The following CCDC33 variants were observed in gnomAD, a reference collection of about 807,000 sequenced individuals.
CCDC33 encodes coiled-coil domain-containing protein 33.
A neutral mutation model predicts 91.9 loss-of-function variants in CCDC33; 94 were observed. The observed-to-expected ratio is 1.02, with a 90% CI of 0.87 to 1.21. The LOEUF (loss-of-function observed/expected upper bound fraction) is 1.21. CCDC33 is among the 50% of genes most tolerant of loss of function. The pLI, the probability that CCDC33 is intolerant of heterozygous loss-of-function variation, is 0.00. For synonymous variants in CCDC33, 396 were observed against 374.5 expected (o/e 1.06, Z -0.66); for missense variants, 940 against 935.5 (o/e 1.00, Z -0.06).
At chr15:74,216,459 C>T (rs2074449406), upstream of CCDC33, among the ~76,000 whole-genome samples, 1 of 147,834 alleles carries the variant, frequency 6.8e-6, no homozygotes, top group African/African-American at 2.5e-5. Context: ...CCTGGGGGAT[C>T]TGAAGAAACT....
chr15:74,327,666 C>G (rs1240703462), intron 11 of CCDC33, among the ~76,000 whole-genome samples: 1 of 152,090 alleles, frequency 6.6e-6, no homozygotes, highest in African/African-American at 2.4e-5. Context: ...GAGCTCTGCT[C>G]ATGCCCCAAA....
chr15:74,287,664 A>C (rs1483593637), intron 10 of CCDC33, among the ~76,000 whole-genome samples: 1 of 152,188 alleles, frequency 6.6e-6, no homozygotes, highest in Non-Finnish European at 1.5e-5. Flanking sequence ...TTTACTAAAA[A>C]TACAAAAATT....
At chr15:74,208,353 C>T (rs543535203) in intron 1 of CCDC33, among the ~76,000 whole-genome samples, 26 of 152,282 alleles carry the variant, frequency 1.7e-4, no homozygotes, top group Admixed American at 7.2e-4. Flanking sequence ...AAGAGCCCCA[C>T]GTTCTCCGTT....
At chr15:74,328,714 A>G (rs1397504271) in intron 11 of CCDC33, among the ~76,000 whole-genome samples, 2 of 152,176 alleles carry the variant, frequency 1.3e-5, no homozygotes, top group Non-Finnish European at 2.9e-5. Flanking sequence ...TGCTGCCAGG[A>G]GACCCCTGCT....
chr15:74,333,441 A>G (rs2060485361), intron 16 of CCDC33: 1 of 788,154 alleles, frequency 1.3e-6, no homozygotes, highest in East Asian at 2.7e-5. Flanking sequence ...AATATTGGGC[A>G]GGGCAGGGGC....
intron 6 of CCDC33, among the ~76,000 whole-genome samples, chr15:74,272,349 C>T (rs2076340672): frequency 6.6e-6 from 1 of 152,226 alleles, no homozygotes; most frequent in African/African-American, 2.4e-5. Context: ...CCCCTCCTCC[C>T]CTAGACCTCC....
At chr15:74,322,338 C>G (rs978205300) in intron 11 of CCDC33, among the ~76,000 whole-genome samples, 1 of 152,200 alleles carries the variant, frequency 6.6e-6, no homozygotes, top group African/African-American at 2.4e-5. Flanking sequence ...GGGCCTCGCT[C>G]TCTCCCATAC....
chr15:74,334,529 T>C (rs1464975435), intron 17 of CCDC33, among the ~76,000 whole-genome samples: 2 of 146,854 alleles, frequency 1.4e-5, no homozygotes, highest in Middle Eastern at 7.4e-3. Flanking sequence ...CAGCCAGGGT[T>C]AGGATTCAGT....
At chr15:74,305,218 A>G (rs2059871699) in intron 11 of CCDC33, among the ~76,000 whole-genome samples, 1 of 152,176 alleles carries the variant, frequency 6.6e-6, no homozygotes, top group Non-Finnish European at 1.5e-5. Context: ...AAGTGCTGGG[A>G]TTACAGGCGT....
chr15:74,237,215 TTG>T (rs2075193001), intron 1 of CCDC33, among the ~76,000 whole-genome samples: 1 of 152,270 alleles, frequency 6.6e-6, no homozygotes, highest in Admixed American at 6.5e-5. Flanking sequence ...GAAGGGATTT[TTG>T]TGTGTTTTGT....
chr15:74,231,940 G>A (rs1250225034), upstream of CCDC33, among the ~76,000 whole-genome samples: 5 of 152,208 alleles, frequency 3.3e-5, no homozygotes, highest in Admixed American at 1.3e-4. Flanking sequence ...CTTGAACCCA[G>A]GAGGCGGAGG....
intron 3 of CCDC33, among the ~76,000 whole-genome samples, chr15:74,263,534 A>G (rs898685958): frequency 2.0e-5 from 3 of 152,254 alleles, no homozygotes; most frequent in African/African-American, 7.2e-5. Context: ...TAAAAGGGGA[A>G]GGAGCTAGTT....
chr15:74,250,687 G>C (rs1258169590), intron 2 of CCDC33, among the ~76,000 whole-genome samples: 2 of 152,178 alleles, frequency 1.3e-5, no homozygotes, highest in African/African-American at 4.8e-5. Flanking sequence ...CAACCACCAG[G>C]TCTGCTTTGC....
chr15:74,273,979 C>G (rs1165381009), intron 7 of CCDC33, among the ~76,000 whole-genome samples: 4 of 150,556 alleles, frequency 2.7e-5, no homozygotes, highest in Non-Finnish European at 5.9e-5. Context: ...TTACTGGCAC[C>G]CGCCACCATG....
intron 2 of CCDC33, among the ~76,000 whole-genome samples, chr15:74,248,601 A>T (rs1335935407): frequency 6.6e-6 from 1 of 152,150 alleles, no homozygotes; most frequent in African/African-American, 2.4e-5. Context: ...AGTGCCCCAG[A>T]ACTGTTCGTT....
intron 7 of CCDC33, among the ~76,000 whole-genome samples, chr15:74,275,790 C>A (rs1031158566): frequency 1.8e-4 from 28 of 152,304 alleles, no homozygotes; most frequent in African/African-American, 6.3e-4. Flanking sequence ...CTGCCTCAGC[C>A]TCCCGAGTAT....
chr15:74,216,000 C>T (rs13379566), upstream of CCDC33, among the ~76,000 whole-genome samples: 2 of 152,104 alleles, frequency 1.3e-5, no homozygotes, highest in Admixed American at 6.5e-5. Context: ...TGATTCTGAG[C>T]GTGGGCCCTG....
chr15:74,244,032 A>G lies in CCDC33; in HGVS notation c.69A>G (p.Glu23=). 2.5e-6 allele frequency: 4 copies of G among 1,610,666 alleles called. No homozygotes were observed. The highest frequency in any genetic ancestry group is 3.4e-6 in the Non-Finnish European group (4 of 1,178,760). ...CCCTGATCGCCTCCCAGAGCACGGAACCTGAGATCGGTCACCTGTCTCCCT... is the reference window on the plus strand; with the variant it reads ...CCCTGATCGCCTCCCAGAGCACGGAGCCTGAGATCGGTCACCTGTCTCCCT... ...EEPLIASQST[E]PEIGHLSPSK... is the part of the protein sequence containing the mutation. Residue 23 remains glutamate (E), a synonymous_variant, in exon 2 of 19, where the codon GAA becomes GAG. Coordinates refer to ENST00000398814, the MANE Select transcript of CCDC33 (RefSeq NM_025055.5). The surrounding 1 kb of genome is among the most constrained non-coding windows in gnomAD (Gnocchi z 4.2).
intron 2 of CCDC33, among the ~76,000 whole-genome samples, chr15:74,224,330 A>G (rs757615407): frequency 2.6e-5 from 4 of 152,150 alleles, no homozygotes; most frequent in Non-Finnish European, 5.9e-5. Flanking sequence ...AACACTCTCC[A>G]TTCATGGGGT....
Sources: allele counts gnomAD v4.1 joint callset (sites outside exome capture counted in the v4.1 genomes callset), GRCh38; gene constraint gnomAD v4.1.1; non-coding constraint Gnocchi (gnomAD v3.1); transcripts MANE v1.5; gene names NCBI Gene and HGNC (gene_info 2026-07-23, HGNC 2026-07-21).